KDM4C: variants seen among roughly 807,000 people sequenced by gnomAD.
KDM4C encodes lysine demethylase 4C.
Under a neutral mutation model 129.3 loss-of-function variants are expected in KDM4C, and 81 were observed. The observed-to-expected ratio is 0.63, with a 90% confidence interval of 0.52 to 0.75. KDM4C has a LOEUF of 0.75. Ranked by LOEUF, KDM4C falls within the 30% of genes least tolerant of loss-of-function variation. KDM4C has a pLI of 0.00. For synonymous variants in KDM4C, 573 were observed against 456.1 expected (o/e 1.26, Z -3.26); for missense variants, 1,457 against 1,304.0 (o/e 1.12, Z -1.81).
chr9:7,162,637 A>G (rs1179355781), intron 19 of KDM4C, among the ~76,000 whole-genome samples: 1 of 152,138 alleles, frequency 6.6e-6, no homozygotes, highest in Non-Finnish European at 1.5e-5. Flanking sequence ...CCTTGGTGAT[A>G]TGGTACCTAA....
intron 8 of KDM4C, among the ~76,000 whole-genome samples, chr9:6,909,233 T>A (rs1429601342): frequency 6.6e-6 from 1 of 152,242 alleles, no homozygotes; most frequent in African/African-American, 2.4e-5. Flanking sequence ...GCTGTAGCTC[T>A]GTGCTAGTGG....
At chr9:7,150,204 G>A (rs1238848888) in intron 19 of KDM4C, among the ~76,000 whole-genome samples, 1 of 152,160 alleles carries the variant, frequency 6.6e-6, no homozygotes, top group Non-Finnish European at 1.5e-5. Flanking sequence ...GCCGCCCTCT[G>A]GCTTCTCCCT....
chr9:6,793,055 A>G lies in KDM4C; in HGVS notation c.67A>G (p.Met23Val), dbSNP rs779935977. ...SCKIMTFRPS[M>V]EEFREFNKYL... The stretch of plus-strand genomic sequence containing the variant: ...TAAGATAATGACCTTCAGACCCTCC[A>G]TGGAGGAGTTCCGGGAGTTCAACAA... Residue 23 changes from methionine (M) to valine (V), a missense_variant, in exon 2 of 22, where the codon ATG becomes GTG. Physicochemically the swap from Met to Val is conservative, Grantham distance 21 (BLOSUM62 1). Transcript: ENST00000381309. 4 of 1,614,134 alleles carry G rather than the reference A, an allele frequency of 2.5e-6. No individual in the cohort carries two copies. Among genetic ancestry groups the G allele is most frequent in the Non-Finnish European group, 3.4e-6 (4 of 1,180,000 alleles).
At chr9:7,000,567 C>G (rs1377341576) in intron 12 of KDM4C, among the ~76,000 whole-genome samples, 1 of 152,084 alleles carries the variant, frequency 6.6e-6, no homozygotes, top group Admixed American at 6.6e-5. Context: ...TACCCAGGAA[C>G]AGATTTTGAT....
chr9:6,782,508 C>T (rs567578730), intron 1 of KDM4C, among the ~76,000 whole-genome samples: 1 of 152,220 alleles, frequency 6.6e-6, no homozygotes, highest in African/African-American at 2.4e-5. Context: ...AGAGAATGAA[C>T]ATTAATGCAC....
intron 8 of KDM4C, among the ~76,000 whole-genome samples, chr9:6,908,155 A>G (rs961195530): frequency 6.6e-6 from 1 of 152,164 alleles, no homozygotes; most frequent in African/African-American, 2.4e-5. Context: ...GGCTATTTAT[A>G]CTATTGTTTA....
chr9:6,900,363 A>G (rs1465673021), intron 8 of KDM4C, among the ~76,000 whole-genome samples: 2 of 152,198 alleles, frequency 1.3e-5, no homozygotes, highest in African/African-American at 2.4e-5. Flanking sequence ...TTGTGGGATC[A>G]CTCTCAAGAT....
intron 19 of KDM4C, among the ~76,000 whole-genome samples, chr9:7,161,380 T>C (rs1483493962): frequency 6.6e-6 from 1 of 152,172 alleles, no homozygotes; most frequent in Admixed American, 6.5e-5. Flanking sequence ...GGTATCTCAG[T>C]TGGAAATGCA....
chr9:6,881,405 A>G (rs568091394), intron 6 of KDM4C, among the ~76,000 whole-genome samples: 23 of 152,332 alleles, frequency 1.5e-4, no homozygotes, highest in Non-Finnish European at 2.2e-4. Context: ...GTTTTGGATA[A>G]TAGATTAGAG....
intron 1 of KDM4C, among the ~76,000 whole-genome samples, chr9:6,730,978 C>T (rs532080931): frequency 1.8e-4 from 27 of 152,192 alleles, no homozygotes; most frequent in Non-Finnish European, 3.5e-4. Context: ...CAAAAGGACT[C>T]AAATACAGAA....
At chr9:6,861,139 A>G (rs1388313870) in intron 5 of KDM4C, among the ~76,000 whole-genome samples, 1 of 152,164 alleles carries the variant, frequency 6.6e-6, no homozygotes, top group Middle Eastern at 3.2e-3. Flanking sequence ...CACTACTTGA[A>G]CCAACATTGG....
chr9:6,733,330 A>G (rs531864617), intron 1 of KDM4C, among the ~76,000 whole-genome samples: 28 of 152,324 alleles, frequency 1.8e-4, no homozygotes, highest in African/African-American at 6.5e-4. Flanking sequence ...TTCTGATGGG[A>G]CCATCTGAAA....
At chr9:6,880,310 C>G (rs957311959) in intron 6 of KDM4C, among the ~76,000 whole-genome samples, 4 of 152,094 alleles carry the variant, frequency 2.6e-5, no homozygotes, top group Admixed American at 1.3e-4. Flanking sequence ...AGTATTTCAT[C>G]AAGTGATTGC....
chr9:6,796,659 G>C (rs1827814025), intron 2 of KDM4C, among the ~76,000 whole-genome samples: 1 of 152,284 alleles, frequency 6.6e-6, no homozygotes, highest in Middle Eastern at 3.4e-3. Context: ...AAACACACCT[G>C]AGTCCAGACC....
At chr9:7,130,688 G>A (rs1840528912) in intron 19 of KDM4C, among the ~76,000 whole-genome samples, 1 of 152,210 alleles carries the variant, frequency 6.6e-6, no homozygotes, top group Admixed American at 6.5e-5. Context: ...CAGGTACCAT[G>A]GAGTGGCATG....
At chr9:6,750,712 C>G (rs1229664989) in intron 1 of KDM4C, among the ~76,000 whole-genome samples, 1 of 152,200 alleles carries the variant, frequency 6.6e-6, no homozygotes, top group Non-Finnish European at 1.5e-5. Flanking sequence ...GCCAGGGGCT[C>G]AACAAGGTCA....
intron 5 of KDM4C, among the ~76,000 whole-genome samples, chr9:6,854,040 T>C (rs75278075): frequency 6.6e-6 from 1 of 152,162 alleles, no homozygotes; most frequent in East Asian, 1.9e-4. Context: ...AATTTTTTTT[T>C]AGTCATAGTA....
chr9:7,082,995 A>G (rs1181408239), intron 17 of KDM4C, among the ~76,000 whole-genome samples: 3 of 152,222 alleles, frequency 2.0e-5, no homozygotes, highest in Middle Eastern at 3.4e-3. Flanking sequence ...CAGTTTCTCT[A>G]TTATCTATTT....
At chr9:6,735,615 A>G (rs1202121692) in intron 1 of KDM4C, among the ~76,000 whole-genome samples, 2 of 152,146 alleles carry the variant, frequency 1.3e-5, no homozygotes, top group African/African-American at 4.8e-5. Flanking sequence ...GCTGCCATCC[A>G]TGTGAGACGT....
Sources: gnomAD v4.1 joint callset for allele counts (sites outside exome capture counted in the v4.1 genomes callset) on GRCh38, gnomAD v4.1.1 for gene constraint, MANE v1.5 for transcripts, NCBI Gene and HGNC (gene_info 2026-07-23, HGNC 2026-07-21) for gene names.